Variants in ZNF808 observed in about 807,000 individuals in gnomAD.
The protein encoded by ZNF808 is zinc finger protein 808.
Under a neutral mutation model 8.7 loss-of-function variants are expected in ZNF808, and 5 were observed. The observed-to-expected ratio is 0.58, with a 90% confidence interval of 0.30 to 1.21. ZNF808 has a LOEUF of 1.21. ZNF808 is among the 50% of genes most tolerant of loss of function. ZNF808 has a pLI of 0.07. For missense variants in ZNF808, 1,103 were observed against 1,098.4 expected (o/e 1.00, Z -0.06); for synonymous variants, 380 against 366.0 (o/e 1.04, Z -0.44).
At chr19:52,561,748 T>C (rs894357309) in intron 3 of ZNF808, among the ~76,000 whole-genome samples, 6 of 152,068 alleles carry the variant, frequency 3.9e-5, no homozygotes, top group Non-Finnish European at 7.4e-5. Flanking sequence ...TGTTTTTCCA[T>C]GTTAGTCAGA....
intron 2 of ZNF808, among the ~76,000 whole-genome samples, chr19:52,535,420 T>A (rs1187650644): frequency 6.6e-6 from 1 of 151,644 alleles, no homozygotes; most frequent in African/African-American, 2.4e-5. Context: ...GGTGTTACTT[T>A]GTCACCCAGG....
At chr19:52,532,180 G>A (rs1253536626) in intron 1 of ZNF808, among the ~76,000 whole-genome samples, 1 of 151,954 alleles carries the variant, frequency 6.6e-6, no homozygotes, top group African/African-American at 2.4e-5. Flanking sequence ...CCTGTTCTGC[G>A]TGGATTTAGG....
Position 52,553,789 on chromosome 19 carries a change from G to T in ZNF808, c.873G>T (p.Glu291Asp), listed in dbSNP as rs2059802773. ...HTGEKPYKCKECGKSFSYKSS... is the reference protein window; with the variant it reads ...HTGEKPYKCKDCGKSFSYKSS... Reference sequence around the variant, plus strand: ...GAGAGAAACCTTACAAGTGTAAAGAGTGTGGAAAGTCCTTCAGTTACAAGT... The same window carrying T: ...GAGAGAAACCTTACAAGTGTAAAGATTGTGGAAAGTCCTTCAGTTACAAGT... Residue 291 changes from glutamate to aspartate, a missense_variant, in exon 5 of 5, where the codon GAG (glutamate) becomes GAT (aspartate). By Grantham distance (45) the Glu-to-Asp change is conservative (BLOSUM62 2). Coordinates refer to ENST00000359798, the MANE Select transcript of ZNF808 (RefSeq NM_001039886.4). 22 of 1,614,032 alleles carry T rather than the reference G, an allele frequency of 1.4e-5. No individual in the cohort carries two copies. The East Asian group carries it at 4.9e-4, about 36-fold the overall frequency.
chr19:52,537,321 A>G (rs1485177512), intron 2 of ZNF808, among the ~76,000 whole-genome samples: 5 of 152,078 alleles, frequency 3.3e-5, no homozygotes, highest in Non-Finnish European at 4.4e-5. Flanking sequence ...GGAAAAAGAA[A>G]AGAAAACAAG....
intron 2 of ZNF808, among the ~76,000 whole-genome samples, chr19:52,539,340 C>G: frequency 6.6e-6 from 1 of 150,652 alleles, no homozygotes; most frequent in Middle Eastern, 3.2e-3. Context: ...TTATAGGCAC[C>G]TGCAGCCACA....
chr19:52,557,960 C>G (rs1057202330), downstream of ZNF808, among the ~76,000 whole-genome samples: 5 of 147,962 alleles, frequency 3.4e-5, no homozygotes, highest in Non-Finnish European at 7.4e-5. Context: ...AAAGCTCAGC[C>G]CGAGTGACTC....
At chr19:52,532,712 A>G (rs2123067946) in intron 1 of ZNF808, among the ~76,000 whole-genome samples, 196 bp from the exon 2 acceptor site, 1 of 147,628 alleles carries the variant, frequency 6.8e-6, no homozygotes, top group African/African-American at 2.5e-5. Flanking sequence ...AGGCTTCCAT[A>G]GAAATGATTT....
At chr19:52,564,518 C>T (rs371177393), downstream of ZNF808, 38 of 182,554 alleles carry the variant, frequency 2.1e-4, no homozygotes, top group Admixed American at 1.9e-3. Context: ...TTCAGTGGAT[C>T]GCACCTGTTG....
At chr19:52,567,485 T>TA (rs1357950079), downstream of ZNF808, among the ~76,000 whole-genome samples, 1,134 of 54,730 alleles carry the variant, frequency 0.021, 5 homozygotes, top group South Asian at 0.035. Flanking sequence ...CAGCTGTATT[T>TA]TTTATTATTA....
At chr19:52,548,357 A>T (rs1600010741) in intron 4 of ZNF808, among the ~76,000 whole-genome samples, 1 of 152,216 alleles carries the variant, frequency 6.6e-6, no homozygotes, top group South Asian at 2.1e-4. Flanking sequence ...AGGTTGAATG[A>T]GGTTTCCATA....
Position 52,564,113 on chromosome 19 carries a change from T to C in ZNF808, c.*1218T>C, listed in dbSNP as rs922093173. 3 of 670,374 alleles carry C rather than the reference T, an allele frequency of 4.5e-6. No homozygotes were observed. In the African/African-American group the frequency reaches 5.4e-5, roughly 12 times the overall value. 41.5% of individuals were successfully genotyped at this position (670,374 alleles called of 1,614,324 possible). ...AAGACTTTCAGGATTAAGCGGTTTC[T>C]GGCCAACAACCAAAAGTAAAATCGT... On this transcript the variant is annotated 3_prime_UTR_variant and NMD_transcript_variant, in exon 4 of 4. Transcript: ENST00000487863.
At chr19:52,551,448 A>G (rs551192105) in intron 4 of ZNF808, among the ~76,000 whole-genome samples, 2 of 151,604 alleles carry the variant, frequency 1.3e-5, no homozygotes, top group African/African-American at 2.4e-5. Context: ...AAAATGTTGT[A>G]TATTTTCTTG....
intron 3 of ZNF808, among the ~76,000 whole-genome samples, chr19:52,546,960 T>C (rs552089957): frequency 3.6e-3 from 534 of 149,376 alleles, no homozygotes; most frequent in African/African-American, 0.013. Flanking sequence ...TTTTTTTTTT[T>C]TTTTTTAGAT....
intron 2 of ZNF808, among the ~76,000 whole-genome samples, chr19:52,539,674 C>A (rs2059651690): frequency 6.7e-6 from 1 of 150,350 alleles, no homozygotes; most frequent in Non-Finnish European, 1.5e-5. Flanking sequence ...CTGCCTCAGC[C>A]TCCTGAGTAG....
downstream of ZNF808, among the ~76,000 whole-genome samples, chr19:52,564,975 A>C (rs548475022): frequency 9.9e-5 from 15 of 152,088 alleles, no homozygotes; most frequent in Non-Finnish European, 1.9e-4. Flanking sequence ...AGTCCCAGCT[A>C]CTCGGGAGGC....
chr19:52,545,223 G>A (rs755576914), intron 3 of ZNF808, among the ~76,000 whole-genome samples: 49 of 152,110 alleles, frequency 3.2e-4, no homozygotes, highest in African/African-American at 9.7e-5. Context: ...AGGCAGGAGT[G>A]CAGTGGGGTG....
At chr19:52,536,825 C>G (rs527399807) in intron 2 of ZNF808, among the ~76,000 whole-genome samples, 31 of 152,058 alleles carry the variant, frequency 2.0e-4, no homozygotes, top group Admixed American at 5.9e-4. Context: ...AGAGGAGACG[C>G]AGAGATAAGA....
chr19:52,542,958 T>TGG (rs67486103), intron 2 of ZNF808, among the ~76,000 whole-genome samples: 7 of 142,134 alleles, frequency 4.9e-5, no homozygotes, highest in East Asian at 4.1e-4. Context: ...ATCTTTTTTT[T>TGG]GGGGGGGGGG....
chr19:52,552,615 A>G (rs2059788375), intron 4 of ZNF808, among the ~76,000 whole-genome samples: 1 of 150,330 alleles, frequency 6.7e-6, no homozygotes, highest in Non-Finnish European at 1.5e-5. Context: ...CAGTGCTATA[A>G]TTGTTTGATA....
Sources: allele counts gnomAD v4.1 joint callset (sites outside exome capture counted in the v4.1 genomes callset), GRCh38; gene constraint gnomAD v4.1.1; transcripts MANE v1.5; gene names NCBI Gene and HGNC (gene_info 2026-07-23, HGNC 2026-07-21).